Variants in RABGAP1L observed in about 807,000 individuals in gnomAD.
RABGAP1L encodes the protein rab GTPase-activating protein 1-like.
Under a neutral mutation model 137.7 loss-of-function variants are expected in RABGAP1L, and 63 were observed. The observed-to-expected ratio is 0.46, with a 90% CI of 0.37 to 0.56. RABGAP1L has a LOEUF of 0.56. Ranked by LOEUF, RABGAP1L falls within the 20% of genes least tolerant of loss-of-function variation. The pLI, the probability that RABGAP1L is intolerant of heterozygous loss-of-function variation, is 0.00. For synonymous variants in RABGAP1L, 431 were observed against 433.7 expected (o/e 0.99, Z 0.08); for missense variants, 1,095 against 1,244.0 (o/e 0.88, Z 1.80).
chr1:174,769,560 C>T (rs965717379), intron 18 of RABGAP1L, among the ~76,000 whole-genome samples: 2 of 152,092 alleles, frequency 1.3e-5, no homozygotes. Flanking sequence ...TTTACAAGGT[C>T]GGTTGAGTTT....
At chr1:174,890,804 A>G (rs1418194898) in intron 19 of RABGAP1L, among the ~76,000 whole-genome samples, 1 of 152,114 alleles carries the variant, frequency 6.6e-6, no homozygotes, top group Non-Finnish European at 1.5e-5. Flanking sequence ...CAGTTCATGA[A>G]GGGTGTCCTT....
At chr1:174,642,237 T>G (rs1265173947) in intron 14 of RABGAP1L, among the ~76,000 whole-genome samples, 1 of 152,214 alleles carries the variant, frequency 6.6e-6, no homozygotes, top group African/African-American at 2.4e-5. Context: ...TACCTTTGTT[T>G]ATCTGGATTA....
intron 12 of RABGAP1L, among the ~76,000 whole-genome samples, chr1:174,375,539 C>G (rs1685449124): frequency 6.6e-6 from 1 of 152,048 alleles, no homozygotes; most frequent in Admixed American, 6.6e-5. Context: ...CATTACAAAT[C>G]ACTACAGACA....
chr1:174,384,323 A>C (rs1051977013), intron 12 of RABGAP1L, among the ~76,000 whole-genome samples: 1 of 152,164 alleles, frequency 6.6e-6, no homozygotes, highest in Non-Finnish European at 1.5e-5. Context: ...TGAGGGAACT[A>C]TCCTGTATCT....
intron 19 of RABGAP1L, among the ~76,000 whole-genome samples, chr1:174,864,300 T>C (rs1032409660): frequency 1.3e-5 from 2 of 152,206 alleles, no homozygotes; most frequent in Non-Finnish European, 1.5e-5. Flanking sequence ...CACTATGACA[T>C]ATAAAGCTGT....
At chr1:174,972,367 A>G (rs1670210479) in intron 21 of RABGAP1L, among the ~76,000 whole-genome samples, 1 of 152,172 alleles carries the variant, frequency 6.6e-6, no homozygotes, top group East Asian at 1.9e-4. Context: ...CTCATTTCTG[A>G]TATTAGGGCT....
chr1:174,201,898 G>C (rs1031876297), intron 1 of RABGAP1L, among the ~76,000 whole-genome samples: 4 of 148,934 alleles, frequency 2.7e-5, no homozygotes, highest in African/African-American at 9.9e-5. Context: ...GAGAACATGC[G>C]GTGTTTGATT....
At chr1:174,654,980 G>A (rs548050013) in intron 14 of RABGAP1L, among the ~76,000 whole-genome samples, 38 of 152,118 alleles carry the variant, frequency 2.5e-4, no homozygotes, top group African/African-American at 7.7e-4. Context: ...CAGAGAAAAT[G>A]ATACTGTTAA....
chr1:174,215,841 A>T (rs137915245), intron 1 of RABGAP1L, among the ~76,000 whole-genome samples: 50 of 152,324 alleles, frequency 3.3e-4, no homozygotes, highest in African/African-American at 1.1e-3. Flanking sequence ...CGAAGAAGAG[A>T]TATCTGCACT....
intron 17 of RABGAP1L, among the ~76,000 whole-genome samples, chr1:174,732,431 C>T (rs1002004974): frequency 1.1e-4 from 17 of 152,134 alleles, no homozygotes; most frequent in African/African-American, 4.1e-4. Flanking sequence ...GTATTTGGAC[C>T]TATGCTACAG....
At chr1:174,387,897 T>C (rs577032716) in intron 12 of RABGAP1L, among the ~76,000 whole-genome samples, 140 of 152,146 alleles carry the variant, frequency 9.2e-4, no homozygotes, top group Non-Finnish European at 1.7e-3. Flanking sequence ...TTTTTTTTAT[T>C]TGGGCCATTA....
intron 13 of RABGAP1L, among the ~76,000 whole-genome samples, chr1:174,615,871 A>G (rs979154930): frequency 1.3e-5 from 2 of 151,990 alleles, no homozygotes; most frequent in East Asian, 1.9e-4. Context: ...TGGGTGTAGG[A>G]CCCTCCGAGC....
At chr1:174,901,717 G>A (rs1426579426) in intron 19 of RABGAP1L, among the ~76,000 whole-genome samples, 2 of 152,144 alleles carry the variant, frequency 1.3e-5, no homozygotes, top group Admixed American at 1.3e-4. Flanking sequence ...GTTCTTGCTG[G>A]AGAAGTGTTA....
chr1:174,586,747 A>G (rs1350269983), intron 13 of RABGAP1L, among the ~76,000 whole-genome samples: 1 of 152,016 alleles, frequency 6.6e-6, no homozygotes, highest in African/African-American at 2.4e-5. Flanking sequence ...ATAGGCATGC[A>G]CACCACACCC....
chr1:174,482,068 G>C (rs959179125), intron 13 of RABGAP1L, among the ~76,000 whole-genome samples: 4 of 152,170 alleles, frequency 2.6e-5, no homozygotes, highest in Admixed American at 2.6e-4. Context: ...GAGGGAGTCA[G>C]AAGAGAGAGT....
At chr1:174,271,608 T>G (rs1004267535) in intron 7 of RABGAP1L, among the ~76,000 whole-genome samples, 1 of 152,046 alleles carries the variant, frequency 6.6e-6, no homozygotes, top group Non-Finnish European at 1.5e-5. Flanking sequence ...AGTATGAATT[T>G]GGGTAAATTG....
chr1:174,614,892 C>G (rs1046831719), intron 13 of RABGAP1L, among the ~76,000 whole-genome samples: 1 of 152,178 alleles, frequency 6.6e-6, no homozygotes, highest in East Asian at 1.9e-4. Context: ...CTTCTGCATT[C>G]TTCACGTAGT....
At chr1:174,358,658 T>C (rs1683860576) in intron 11 of RABGAP1L, among the ~76,000 whole-genome samples, 1 of 152,222 alleles carries the variant, frequency 6.6e-6, no homozygotes, top group Non-Finnish European at 1.5e-5. Context: ...CCATTTTGTC[T>C]GTTGGATAGG....
chr1:174,263,322 A>AC (rs1673760684), intron 7 of RABGAP1L, among the ~76,000 whole-genome samples: 1 of 152,196 alleles, frequency 6.6e-6, no homozygotes, highest in Admixed American at 6.5e-5. Flanking sequence ...TGGTGAAAGG[A>AC]CCCAACTTCC....
Sources: allele counts gnomAD v4.1 joint callset (sites outside exome capture counted in the v4.1 genomes callset), GRCh38; gene constraint gnomAD v4.1.1; transcripts MANE v1.5; gene names NCBI Gene and HGNC (gene_info 2026-07-23, HGNC 2026-07-21).